Variants in LHFPL3 observed in about 807,000 individuals in gnomAD.
The protein encoded by LHFPL3 is LHFPL tetraspan subfamily member 3, also known as LHFPL tetraspan subfamily member 3 protein.
LHFPL3 carries 5 observed loss-of-function variants against 19.3 expected under a neutral mutation model. The observed-to-expected ratio is 0.26, with a 90% CI of 0.14 to 0.54. LHFPL3 has a LOEUF of 0.54. LHFPL3 is among the 20% of genes least tolerant of loss of function. The pLI is 0.94. For missense variants in LHFPL3, 249 were observed against 307.4 expected (o/e 0.81, Z 1.42); for synonymous variants, 133 against 126.2 (o/e 1.05, Z -0.36).
chr7:104,589,880 A>G (rs1790670505), intron 1 of LHFPL3, among the ~76,000 whole-genome samples: 1 of 151,716 alleles, frequency 6.6e-6, no homozygotes, highest in Admixed American at 6.6e-5. Context: ...TTTCTTCTAG[A>G]TTTTCTAGGT....
At chr7:104,662,712 T>C (rs1457072614) in intron 1 of LHFPL3, among the ~76,000 whole-genome samples, 1 of 152,200 alleles carries the variant, frequency 6.6e-6, no homozygotes, top group South Asian at 2.1e-4. Context: ...GTAGTTACTG[T>C]TGATGAAACT....
intron 1 of LHFPL3, among the ~76,000 whole-genome samples, chr7:104,330,465 G>A (rs1195650574): frequency 1.3e-5 from 2 of 152,214 alleles, no homozygotes; most frequent in Non-Finnish European, 2.9e-5. Context: ...GTTGTAGGAT[G>A]AGTAGATACT....
chr7:104,750,233 T>A (rs921840182), intron 2 of LHFPL3, among the ~76,000 whole-genome samples: 1 of 151,824 alleles, frequency 6.6e-6, no homozygotes, highest in Non-Finnish European at 1.5e-5. Context: ...GGCCACTGAT[T>A]TAAAGCAATG....
chr7:104,487,445 C>T (rs183547860), intron 1 of LHFPL3, among the ~76,000 whole-genome samples: 176 of 152,296 alleles, frequency 1.2e-3, no homozygotes, highest in African/African-American at 4.1e-3. Context: ...GGATATCATC[C>T]CATCGTGTGG....
At chr7:104,390,962 G>T (rs1345422530) in intron 1 of LHFPL3, among the ~76,000 whole-genome samples, 5 of 152,112 alleles carry the variant, frequency 3.3e-5, no homozygotes, top group Non-Finnish European at 7.3e-5. Context: ...TTATGTGTCT[G>T]TTGGCTGCAT....
At chr7:104,369,981 A>G (rs1201026226) in intron 1 of LHFPL3, among the ~76,000 whole-genome samples, 1 of 152,244 alleles carries the variant, frequency 6.6e-6, no homozygotes, top group Non-Finnish European at 1.5e-5. Flanking sequence ...CAATTAATTT[A>G]ACAAAAATAA....
chr7:104,677,111 C>T (rs1482792460), intron 1 of LHFPL3, among the ~76,000 whole-genome samples: 1 of 152,228 alleles, frequency 6.6e-6, no homozygotes, highest in Non-Finnish European at 1.5e-5. Context: ...CACACTGGCT[C>T]ATGCCTGTAA....
At chr7:104,713,965 A>C (rs1793340798) in intron 1 of LHFPL3, among the ~76,000 whole-genome samples, 1 of 152,190 alleles carries the variant, frequency 6.6e-6, no homozygotes, top group African/African-American at 2.4e-5. Flanking sequence ...TGTTCAAAGC[A>C]AAATTATCTT....
intron 1 of LHFPL3, among the ~76,000 whole-genome samples, chr7:104,359,904 C>T (rs191710966): frequency 5.3e-5 from 8 of 152,336 alleles, no homozygotes; most frequent in African/African-American, 7.2e-5. Context: ...GTGCTAAATA[C>T]TTCATAGACA....
At chr7:104,724,840 G>A (rs1323416384) in intron 1 of LHFPL3, among the ~76,000 whole-genome samples, 1 of 152,158 alleles carries the variant, frequency 6.6e-6, no homozygotes, top group Non-Finnish European at 1.5e-5. Flanking sequence ...ACACTACAGT[G>A]CCCTGTAGCC....
intron 1 of LHFPL3, among the ~76,000 whole-genome samples, chr7:104,690,753 C>G (rs1792891398): frequency 6.6e-6 from 1 of 152,190 alleles, no homozygotes; most frequent in African/African-American, 2.4e-5. Context: ...ATTCTGGAGG[C>G]AACACATTCC....
chr7:104,492,952 G>A (rs1372790340), intron 1 of LHFPL3, among the ~76,000 whole-genome samples: 1 of 151,954 alleles, frequency 6.6e-6, no homozygotes. Flanking sequence ...CTGTAATTAG[G>A]GACATGTCCG....
chr7:104,505,001 A>ACTATT (rs2067227), intron 1 of LHFPL3, among the ~76,000 whole-genome samples: 21,070 of 152,128 alleles, frequency 0.14, 1,561 homozygotes, highest in East Asian at 0.2. Flanking sequence ...ACACATATAT[A>ACTATT]CTATATACAT....
chr7:104,731,100 T>C (rs1490367704), intron 1 of LHFPL3, among the ~76,000 whole-genome samples: 2 of 152,332 alleles, frequency 1.3e-5, no homozygotes, highest in African/African-American at 4.8e-5. Flanking sequence ...GTTCTATTGG[T>C]CTCTATATCT....
intron 1 of LHFPL3, among the ~76,000 whole-genome samples, chr7:104,583,480 A>T (rs1001696338): frequency 2.0e-5 from 3 of 152,200 alleles, no homozygotes; most frequent in Non-Finnish European, 2.9e-5. Context: ...TAAACTAAAG[A>T]GCTTCTGCAC....
intron 1 of LHFPL3, among the ~76,000 whole-genome samples, chr7:104,537,745 A>C (rs2115864196): frequency 6.6e-6 from 1 of 152,372 alleles, no homozygotes; most frequent in East Asian, 1.9e-4. Context: ...AAGGATTATC[A>C]TCAATGACAG....
At chr7:104,857,131 A>G (rs1791521788) in intron 2 of LHFPL3, among the ~76,000 whole-genome samples, 1 of 152,200 alleles carries the variant, frequency 6.6e-6, no homozygotes, top group African/African-American at 2.4e-5. Flanking sequence ...CATTGTACAC[A>G]TGAGGACACC....
At chr7:104,852,632 C>T (rs2116618139) in intron 2 of LHFPL3, among the ~76,000 whole-genome samples, 1 of 152,382 alleles carries the variant, frequency 6.6e-6, no homozygotes, top group East Asian at 1.9e-4. Context: ...TACACAAGGG[C>T]CACATGACCA....
chr7:104,634,281 G>A (rs1791694992), intron 1 of LHFPL3, among the ~76,000 whole-genome samples: 1 of 152,206 alleles, frequency 6.6e-6, no homozygotes, highest in South Asian at 2.1e-4. Flanking sequence ...AAGTCTGACA[G>A]CAGAGTGCCA....
Sources: gnomAD v4.1 joint callset for allele counts (sites outside exome capture counted in the v4.1 genomes callset) on GRCh38, gnomAD v4.1.1 for gene constraint, MANE v1.5 for transcripts, NCBI Gene and HGNC (gene_info 2026-07-23, HGNC 2026-07-21) for gene names.